STARD9: variants seen among roughly 807,000 people sequenced by gnomAD.
The protein encoded by STARD9 is stAR-related lipid transfer protein 9.
A neutral mutation model predicts 399.8 loss-of-function variants in STARD9; 346 were observed. That is an observed-to-expected ratio of 0.87 (90% confidence interval 0.79 to 0.95). The LOEUF is 0.95. STARD9 is among the 40% of genes least tolerant of loss of function. The pLI, the probability that STARD9 is intolerant of heterozygous loss-of-function variation, is 0.00. For missense variants in STARD9, 5,832 were observed against 5,667.5 expected (o/e 1.03, Z -0.93); for synonymous variants, 2,203 against 2,143.5 (o/e 1.03, Z -0.77).
In STARD9 at chr15:42,716,989, T is replaced by C. The variant is rs372175438; in HGVS notation, c.13435T>C (p.Cys4479Arg). The C allele has an allele frequency of 8.0e-5, 123 of 1,537,128 alleles. No homozygotes were observed. Among genetic ancestry groups the C allele is most frequent in the Non-Finnish European group, 1.0e-4 (119 of 1,146,884 alleles). ...SPSSLSSLGT[C>R]FSSSYQDLAK... is the part of the protein sequence containing the mutation. ...ATCCAGTCTGTCCAGCTTGGGGACCTGCTTTTCCTCCTCCTACCAGGATTT... is the reference window on the plus strand; with the variant it reads ...ATCCAGTCTGTCCAGCTTGGGGACCCGCTTTTCCTCCTCCTACCAGGATTT... Residue 4479 changes from cysteine (C) to arginine (R), a missense_variant, in exon 28 of 33, where the codon TGC becomes CGC. Cys to Arg is a radical substitution (Grantham distance 180). This residue lies in a region of STARD9 where 5,828 missense variants were observed against 5,651.1 expected (regional missense o/e 1.03). Coordinates refer to ENST00000290607, the MANE Select transcript of STARD9 (RefSeq NM_020759.3).
chr15:42,687,571 G>A lies in STARD9; in HGVS notation c.5993G>A (p.Gly1998Asp), dbSNP rs748066214. The change falls in exon 23 of 33, where the codon GGT becomes GAT. Residue 1998 changes from glycine (G) to aspartate (D), a missense_variant. Coordinates refer to ENST00000290607, the MANE Select transcript of STARD9 (RefSeq NM_020759.3). ...KDSSEEFKLP[G>D]TKPAYERFQL... Reference sequence around the variant, plus strand: ...AGCTCAGAAGAGTTTAAGCTTCCAGGTACAAAGCCTGCATATGAAAGGTTC... The same window carrying A: ...AGCTCAGAAGAGTTTAAGCTTCCAGATACAAAGCCTGCATATGAAAGGTTC... 15 of 1,536,890 alleles carry A rather than the reference G, an allele frequency of 9.8e-6. No individual in the cohort carries two copies. The highest frequency in any genetic ancestry group is 1.2e-5 in the Non-Finnish European group (14 of 1,146,920).
At chr15:42,698,079 G>A (rs909902167) in intron 26 of STARD9, among the ~76,000 whole-genome samples, 9 of 152,116 alleles carry the variant, frequency 5.9e-5, no homozygotes, top group Non-Finnish European at 1.2e-4. Flanking sequence ...AATATGCAGA[G>A]AACTTTCTCA....
chr15:42,669,039 A>C (rs1284563946), intron 15 of STARD9, 119 bp from the exon 16 acceptor site: 13 of 855,658 alleles, frequency 1.5e-5, no homozygotes, highest in African/African-American at 3.4e-5. Flanking sequence ...TTTGAATAGT[A>C]TCTGGGAGGA....
Position 42,689,590 on chromosome 15 carries a change from C to T in STARD9, c.8012C>T (p.Pro2671Leu). The change falls in exon 23 of 33, where the codon CCT becomes CTT. Residue 2671 changes from proline to leucine, a missense_variant. Pro to Leu is a moderately conservative substitution (Grantham distance 98). Coordinates refer to ENST00000290607, the MANE Select transcript of STARD9 (RefSeq NM_020759.3). ...GTGCAGGCTTTCTCCCATGCTGCTC[C>T]TGCTCAAGACAGGAAACGTCGTACT... ...DPVQAFSHAA[P>L]AQDRKRRTGE... The T allele has an allele frequency of 1.3e-6, 2 of 1,537,378 alleles. No homozygotes were observed. The highest frequency in any genetic ancestry group is 1.2e-5 in the South Asian group (1 of 84,060).
Position 42,694,231 on chromosome 15 carries a change from A to G in STARD9, c.12653A>G (p.His4218Arg). 6.5e-7 allele frequency: 1 copy of G among 1,535,048 alleles called. No homozygotes were observed. The highest frequency in any genetic ancestry group is 8.7e-7 in the Non-Finnish European group (1 of 1,145,852). ...GTGGAACTCACAGAAGCGAAACTGCACCATGGCTTTGGGGAGGCCGATGCC... is the reference window on the plus strand; with the variant it reads ...GTGGAACTCACAGAAGCGAAACTGCGCCATGGCTTTGGGGAGGCCGATGCC... ...LSVELTEAKL[H>R]HGFGEADALL... is the part of the protein sequence containing the mutation. The change falls in exon 23 of 33, where the codon CAC becomes CGC. Residue 4218 changes from histidine (H) to arginine (R), a missense_variant. Around this residue, in one of 2 missense-constraint regions of STARD9, gnomAD observed 5,828 missense variants for 5,651.1 expected, o/e 1.03. Transcript: ENST00000290607.
At chr15:42,666,003 T>G (rs1374156935) in intron 15 of STARD9, among the ~76,000 whole-genome samples, 155 bp downstream of exon 15, 3 of 152,216 alleles carry the variant, frequency 2.0e-5, no homozygotes, top group Non-Finnish European at 4.4e-5. Context: ...CCGGGGGATG[T>G]GTTTGCCTAG....
rs1401152785 is a variant in STARD9, at chr15:42,688,346, A to T, written c.6768A>T (p.Gln2256His). Reference sequence around the variant, plus strand: ...CTGTGAAAGGTTTTCAGGAAAGCCAAGTAGCTGAACACGTAAGTAGTTCCA... The same window carrying T: ...CTGTGAAAGGTTTTCAGGAAAGCCATGTAGCTGAACACGTAAGTAGTTCCA... ...LETVKGFQES[Q>H]VAEHVSSSNQ... Residue 2256 changes from glutamine to histidine, a missense_variant, in exon 23 of 33, where the codon CAA (glutamine) becomes CAT (histidine). Coordinates refer to ENST00000290607, the MANE Select transcript of STARD9 (RefSeq NM_020759.3). The T allele has an allele frequency of 6.5e-7, 1 of 1,536,892 alleles. No individual in the cohort carries two copies.
In STARD9 at chr15:42,690,822, A is replaced by G. The variant is rs533172735; in HGVS notation, c.9244A>G (p.Ile3082Val). 9.1e-6 allele frequency: 14 copies of G among 1,534,838 alleles called. No individual in the cohort carries two copies. The African/African-American group carries it at 1.4e-4, about 15-fold the overall frequency. ...AGCTACTGATGGAAGCGTGGGGTTA[A>G]TAGGGGTTCCTGAGAAAAAGGTTGC... ...HSATDGSVGL[I>V]GVPEKKVAEK... Residue 3082 changes from isoleucine (I) to valine (V), a missense_variant, in exon 23 of 33, where the codon ATA becomes GTA. This residue lies in a region of STARD9 where 5,828 missense variants were observed against 5,651.1 expected (regional missense o/e 1.03). Transcript: ENST00000290607.
rs1566938987 is a variant in STARD9 at position 42,687,451 on chromosome 15, G to A, written c.5873G>A (p.Ser1958Asn). 2 of 1,537,184 alleles carry A rather than the reference G, an allele frequency of 1.3e-6. No individual in the cohort carries two copies. The highest frequency in any genetic ancestry group is 2.4e-5 in the South Asian group (2 of 84,060). ...KSRSVDRRVS[S>N]PVMVAQGGGP... ...AGATCAGTAGATCGTAGAGTAAGCA[G>A]CCCAGTGATGGTGGCCCAGGGTGGT... Residue 1958 changes from serine to asparagine, a missense_variant, in exon 23 of 33, where the codon AGC becomes AAC. Coordinates refer to ENST00000290607, the MANE Select transcript of STARD9 (RefSeq NM_020759.3).
chr15:42,680,306 T>C (rs1021988096), intron 20 of STARD9, among the ~76,000 whole-genome samples: 2 of 152,126 alleles, frequency 1.3e-5, no homozygotes, highest in African/African-American at 4.8e-5. Flanking sequence ...GACTAAAATC[T>C]AGAATTTTTT....
At position 42,674,485 on chromosome 15, in the gene STARD9, G is replaced by A. The variant is rs1277516647; in HGVS notation, c.1543G>A (p.Asp515Asn). The change falls in exon 17 of 33, where the codon GAC becomes AAC. Residue 515 changes from aspartate (D) to asparagine (N), a missense_variant. Coordinates refer to ENST00000290607, the MANE Select transcript of STARD9 (RefSeq NM_020759.3). ...AAGGATTGACTCAGACCAGGAACAG[G>A]ACATTGGTAAGTGGCAGAGTATATG... ...IGRIDSDQEQ[D>N]IVLQGQWIER... 1 of 1,537,122 alleles carries A rather than the reference G, an allele frequency of 6.5e-7. No homozygotes were observed. The highest frequency in any genetic ancestry group is 1.2e-5 in the South Asian group (1 of 84,046).
intron 3 of STARD9, among the ~76,000 whole-genome samples, chr15:42,633,606 G>C (rs1025956588): frequency 6.7e-6 from 1 of 149,290 alleles, no homozygotes; most frequent in Non-Finnish European, 1.5e-5. Context: ...TAATCTAGTT[G>C]TCAAGTGACA....
Position 42,575,699 on chromosome 15 carries a change from TGGGTTGTGGCA to T in STARD9, c.-15_-5del. On this transcript the variant is annotated 5_prime_UTR_variant, in exon 1 of 33. Transcript: ENST00000290607. ...TGCCGCTGAGCTGACCCGCTGGACT[TGGGTTGTGGCA>T]GACGGATGGCGAACGTGCAGGTCGC... is the stretch of plus-strand genomic sequence containing the variant. 6.5e-7 allele frequency: 1 copy of T among 1,536,482 alleles called. No homozygotes were observed. The highest frequency in any genetic ancestry group is 8.7e-7 in the Non-Finnish European group (1 of 1,146,714).
intron 3 of STARD9, among the ~76,000 whole-genome samples, chr15:42,588,111 C>T (rs979245098): frequency 2.6e-5 from 4 of 152,094 alleles, no homozygotes; most frequent in African/African-American, 7.2e-5. Flanking sequence ...CCATGGCATA[C>T]GTGTGGCTGT....
chr15:42,675,800 T>C lies in STARD9; in HGVS notation c.1770+54T>C, dbSNP rs927926088. ...TGCTGGCCTCCCTGTTTCCACCTTT[T>C]AGATGAAAAGCCAAGCTGGGAGAGG... On this transcript the variant is annotated intron_variant, in intron 19 of 32. Coordinates refer to ENST00000290607, the MANE Select transcript of STARD9 (RefSeq NM_020759.3). The C allele has an allele frequency of 3.9e-6, 6 of 1,533,476 alleles. No homozygotes were observed. In the African/African-American group the frequency reaches 8.2e-5, roughly 21 times the overall value. 95.0% of individuals were successfully genotyped at this position (1,533,476 alleles called of 1,614,324 possible). A position where few individuals can be genotyped will look rare whatever the true frequency, so the allele number is the denominator to read the frequency against.
At chr15:42,661,276 T>TA (rs2059988565) in intron 10 of STARD9, 51 bp downstream of exon 10, 1 of 1,224,338 alleles carries the variant, frequency 8.2e-7, no homozygotes, top group African/African-American at 1.5e-5. Flanking sequence ...TTGCCTGTTT[T>TA]ACAGGGAATA....
Position 42,718,465 on chromosome 15 carries a change from C to T in STARD9, c.13793C>T (p.Ala4598Val), listed in dbSNP as rs773029119. The change falls in exon 31 of 33, where the codon GCA (alanine) becomes GTA (valine). Residue 4598 changes from alanine to valine, a missense_variant. Physicochemically the swap from Ala to Val is moderately conservative, Grantham distance 64. Transcript: ENST00000290607. ...VYLVCNTTLC[A>V]LKQPRDFCCV... is the part of the protein sequence containing the mutation. ...TTGGTGTGCAACACCACCCTGTGCGCACTGAAGCAGCCACGGGATTTCTGT... is the reference window on the plus strand; with the variant it reads ...TTGGTGTGCAACACCACCCTGTGCGTACTGAAGCAGCCACGGGATTTCTGT... 2.0e-6 allele frequency: 3 copies of T among 1,537,118 alleles called. No individual in the cohort carries two copies. The highest frequency in any genetic ancestry group is 2.4e-5 in the South Asian group (2 of 84,060).
intron 20 of STARD9, among the ~76,000 whole-genome samples, chr15:42,681,171 A>G (rs1453228139): frequency 6.6e-6 from 1 of 152,188 alleles, no homozygotes; most frequent in Admixed American, 6.5e-5. Context: ...CTTAACTAAA[A>G]TGGATTTGTG....
At position 42,718,168 on chromosome 15, in the gene STARD9, GC is replaced by G; in HGVS notation, c.13752del (p.Ser4584ArgfsTer16). 6.5e-7 allele frequency: 1 copy of G among 1,536,776 alleles called. No individual in the cohort carries two copies. The highest frequency in any genetic ancestry group is 8.7e-7 in the Non-Finnish European group (1 of 1,146,830). Reference protein sequence around the residue: ...TARLHQRVTNSISLVYLVCNT... With the variant: ...TARLHQRVTNXISLVYLVCNT... ...AGGCTGCATCAGCGAGTGACCAACA[GC>G]ATCAGCCTGGGTGAGCCCAGGGAAG... is the stretch of plus-strand genomic sequence containing the variant. On this transcript the variant is annotated frameshift_variant, in exon 30 of 33. Transcript: ENST00000290607. LOFTEE classifies it high-confidence loss of function.
Sources: allele counts gnomAD v4.1 joint callset (sites outside exome capture counted in the v4.1 genomes callset), GRCh38; gene constraint gnomAD v4.1.1; regional missense constraint gnomAD v4.1.1; transcripts MANE v1.5; gene names NCBI Gene and HGNC (gene_info 2026-07-23, HGNC 2026-07-21).